MYCBP2: variants seen among roughly 807,000 people sequenced by gnomAD.
The protein encoded by MYCBP2 is MYC binding protein 2.
Under a neutral mutation model 525.3 loss-of-function variants are expected in MYCBP2, and 120 were observed. The observed-to-expected ratio is 0.23, with a 90% CI of 0.20 to 0.27. MYCBP2 has a LOEUF of 0.27. Among genes scored for constraint, MYCBP2 ranks in the 10% least tolerant of loss-of-function variants. The pLI is 1.00. For missense variants in MYCBP2, 4,149 were observed against 5,657.1 expected (o/e 0.73, Z 8.55); for synonymous variants, 1,894 against 1,955.8 (o/e 0.97, Z 0.83).
rs762703911 is a variant in MYCBP2, at chr13:77,062,571, A to G, written c.12774+25T>C. 1.9e-6 allele frequency: 3 copies of G among 1,590,012 alleles called. No homozygotes were observed. In the South Asian group the frequency reaches 3.3e-5, roughly 18 times the overall value. On this transcript the variant is annotated intron_variant, in intron 74 of 82. Transcript: ENST00000544440. ...GCTTACTGTAAAGGAAAGCAAGATA[A>G]ATTCTTACAAAATTCTGATCTTACC...
chr13:77,227,551 C>T (rs1425663289), intron 18 of MYCBP2, among the ~76,000 whole-genome samples: 8 of 151,242 alleles, frequency 5.3e-5, no homozygotes, highest in East Asian at 3.9e-4. Flanking sequence ...TTTAATAAGA[C>T]GCCAGATGTA....
In MYCBP2 at chr13:77,161,972, G is replaced by T. The variant is rs753899993; in HGVS notation, c.6548-17C>A. On this transcript the variant is annotated splice_polypyrimidine_tract_variant and intron_variant, in intron 43 of 82. Transcript: ENST00000544440. ...ATTCATTACCTGTTGTGTAAATAAA[G>T]AGTTTTACTAAAATATGTCAATATT... 6.4e-7 allele frequency: 1 copy of T among 1,552,766 alleles called. No individual in the cohort carries two copies. Among genetic ancestry groups the T allele is most frequent in the Non-Finnish European group, 8.8e-7 (1 of 1,133,560 alleles).
chr13:77,116,473 A>T (rs1236448774), intron 55 of MYCBP2, among the ~76,000 whole-genome samples: 1 of 152,048 alleles, frequency 6.6e-6, no homozygotes, highest in African/African-American at 2.4e-5. Context: ...TTAAAAAATT[A>T]AAACTATTTT....
chr13:77,244,348 G>T (rs892241445), intron 15 of MYCBP2, among the ~76,000 whole-genome samples: 1 of 152,196 alleles, frequency 6.6e-6, no homozygotes, highest in African/African-American at 2.4e-5. Flanking sequence ...GCAGATAAGT[G>T]AAGGCAGGTG....
chr13:77,064,845 G>C (rs1260408911), intron 72 of MYCBP2, 111 bp from the exon 73 acceptor site: 13 of 1,059,134 alleles, frequency 1.2e-5, no homozygotes, highest in Non-Finnish European at 1.6e-5. Context: ...TTTTTAGTGA[G>C]ACCATGGAAT....
In MYCBP2 at chr13:77,258,158, T is replaced by A. The variant is rs192175560; in HGVS notation, c.2018-329A>T. ...CTTTTCTGGTCTAAGCACAAAGGAG[T>A]CCATAAATAATTTATTTTACCTGCT... On this transcript the variant is annotated intron_variant, in intron 13 of 82. Transcript: ENST00000544440. Among the ~76,000 whole-genome samples the A allele has an allele frequency of 2.3e-4, 35 of 152,232 alleles. No homozygotes were observed. In the East Asian group the frequency reaches 6.6e-3, roughly 29 times the overall value.
intron 55 of MYCBP2, chr13:77,118,578 T>A (rs1177630071): frequency 2.8e-6 from 2 of 713,504 alleles, no homozygotes; most frequent in African/African-American, 3.4e-5. Flanking sequence ...TTTATGACAT[T>A]CAGATAGAGT....
In MYCBP2 at chr13:77,251,341, T is replaced by C; in HGVS notation, c.2191A>G (p.Asn731Asp). 1 of 1,614,140 alleles carries C rather than the reference T, an allele frequency of 6.2e-7. No individual in the cohort carries two copies. Among genetic ancestry groups the C allele is most frequent in the Non-Finnish European group, 8.5e-7 (1 of 1,179,992 alleles). ...NQGGKGFGVE[N>D]MATAMDEDLE... ...TCTTCATCCATTGCTGTTGCCATAT[T>C]TTCAACTCCAAACCCTATTTGACAG... is the stretch of plus-strand genomic sequence containing the variant. Residue 731 changes from asparagine (N) to aspartate (D), a missense_variant, in exon 15 of 83, where the codon AAT becomes GAT. Asn to Asp is a conservative substitution (Grantham distance 23). This residue lies in a region of MYCBP2 where 620 missense variants were observed against 795.5 expected (regional missense o/e 0.78). Coordinates refer to ENST00000544440, the MANE Select transcript of MYCBP2 (RefSeq NM_015057.5).
Position 77,265,372 on chromosome 13 carries a change from C to A in MYCBP2, c.1358-1370G>T, listed in dbSNP as rs113847001. Among the ~76,000 whole-genome samples the A allele has an allele frequency of 8.1e-3, 1,235 of 151,978 alleles. 19 individuals carry two copies. The highest frequency in any genetic ancestry group is 0.027 in the African/African-American group (1,113 of 41,466). On this transcript the variant is annotated intron_variant, in intron 8 of 82. Transcript: ENST00000544440. ...ATAAACGCAGGGGTGAGGAGTGAAG[C>A]GGCGCAAGAAGAGTAGCAAAAAGCC...
chr13:77,273,358 C>T, intron 5 of MYCBP2, 114 bp downstream of exon 5: 1 of 770,636 alleles, frequency 1.3e-6, no homozygotes, highest in East Asian at 2.8e-5. Context: ...CAATCTTGGA[C>T]AGATTAAGCT....
At chr13:77,213,483 G>GA (rs564797939) in intron 21 of MYCBP2, among the ~76,000 whole-genome samples, 6 of 146,836 alleles carry the variant, frequency 4.1e-5, no homozygotes, top group Non-Finnish European at 6.0e-5. Context: ...GTCTCAAAAA[G>GA]AAAAAAAAAA....
chr13:77,048,229 C>T (rs952685179), intron 82 of MYCBP2, among the ~76,000 whole-genome samples: 1 of 152,082 alleles, frequency 6.6e-6, no homozygotes, highest in Non-Finnish European at 1.5e-5. Flanking sequence ...TGCCCTTCCA[C>T]GACAGCAAGA....
intron 14 of MYCBP2, among the ~76,000 whole-genome samples, chr13:77,257,097 T>C (rs1293000727): frequency 6.6e-6 from 1 of 152,006 alleles, no homozygotes; most frequent in Non-Finnish European, 1.5e-5. Flanking sequence ...AGGATGTAAC[T>C]GGAGGATATT....
chr13:77,111,693 C>T (rs1016927742), intron 55 of MYCBP2, among the ~76,000 whole-genome samples: 1 of 151,960 alleles, frequency 6.6e-6, no homozygotes, highest in East Asian at 1.9e-4. Flanking sequence ...TGCAATTAAC[C>T]TTAGCTTAAA....
rs561091662 is a variant in MYCBP2 at position 77,079,429 on chromosome 13, G to T, written c.11419-540C>A. On this transcript the variant is annotated intron_variant, in intron 65 of 82. Transcript: ENST00000544440. ...GTCAAACAGTACAAGTTCAATACATGTTCAAACTAGTGTCAAATATCTTAA... is the reference window on the plus strand; with the variant it reads ...GTCAAACAGTACAAGTTCAATACATTTTCAAACTAGTGTCAAATATCTTAA... Among the ~76,000 whole-genome samples the T allele has an allele frequency of 2.0e-5, 3 of 152,266 alleles. No individual in the cohort carries two copies. In the South Asian group the frequency reaches 6.2e-4, roughly 32 times the overall value.
At chr13:77,121,255 G>T in intron 55 of MYCBP2, 118 bp downstream of exon 55, 1 of 958,386 alleles carries the variant, frequency 1.0e-6, no homozygotes, top group Non-Finnish European at 1.4e-6. Flanking sequence ...AGCTTTCCAT[G>T]AACAAATTTT....
chr13:77,188,831 A>C (rs1163809693), intron 30 of MYCBP2, 120 bp downstream of exon 30: 4 of 573,358 alleles, frequency 7.0e-6, no homozygotes, highest in Non-Finnish European at 1.1e-5. Flanking sequence ...TGAATACAAA[A>C]CCAAATCTGA....
Position 77,225,478 on chromosome 13 carries a change from A to G in MYCBP2, c.2814T>C (p.Cys938=). ...TYPPGSVRFD[C]ELRAVQVSCG... ...AGCTGACTTGGACTGCCCGGAGCTC[A>G]CAGTCAAATCGCACAGAGCCTGGAG... The change falls in exon 19 of 83, where the codon TGT becomes TGC. Residue 938 remains cysteine, a synonymous_variant. Transcript: ENST00000544440. 1 of 1,613,390 alleles carries G rather than the reference A, an allele frequency of 6.2e-7. No homozygotes were observed. The highest frequency in any genetic ancestry group is 8.5e-7 in the Non-Finnish European group (1 of 1,179,434).
rs749932287 is a variant in MYCBP2, at chr13:77,260,471, T to C, written c.1974A>G (p.Glu658=). 14 of 1,609,462 alleles carry C rather than the reference T, an allele frequency of 8.7e-6. No individual in the cohort carries two copies. Among genetic ancestry groups the C allele is most frequent in the Non-Finnish European group, 1.2e-5 (14 of 1,178,474 alleles). The change falls in exon 13 of 83, where the codon GAA becomes GAG. Residue 658 remains glutamate (E), a synonymous_variant. Transcript: ENST00000544440. ...TGGCATCTTTTCCAAACATGTAGAG[T>C]TCTCCATCTTTAGAAATAACAGAAC... The part of the protein sequence containing the change: ...GSSSVISKDG[E]LYMFGKDAIY...
Sources: gnomAD v4.1 joint callset for allele counts (sites outside exome capture counted in the v4.1 genomes callset) on GRCh38, gnomAD v4.1.1 for gene constraint, gnomAD v4.1.1 regional missense constraint, MANE v1.5 for transcripts, NCBI Gene and HGNC (gene_info 2026-07-23, HGNC 2026-07-21) for gene names.